RP1: variants seen among roughly 807,000 people sequenced by gnomAD.
The protein encoded by RP1 is oxygen-regulated protein 1.
Under a neutral mutation model 14.8 loss-of-function variants are expected in RP1, and 16 were observed. The observed-to-expected ratio is 1.08, with a 90% confidence interval of 0.73 to 1.65. The LOEUF (loss-of-function observed/expected upper bound fraction) is 1.65. RP1 is among the 40% of genes most tolerant of loss of function. The pLI, the probability that RP1 is intolerant of heterozygous loss-of-function variation, is 0.00. For synonymous variants in RP1, 876 were observed against 883.6 expected (o/e 0.99, Z 0.15); for missense variants, 2,631 against 2,535.0 (o/e 1.04, Z -0.81).
chr8:54,823,039 C>T (rs2129397424), intron 24 of RP1, among the ~76,000 whole-genome samples: 1 of 152,278 alleles, frequency 6.6e-6, no homozygotes, highest in Non-Finnish European at 1.5e-5. Flanking sequence ...AGTTCAGTAT[C>T]TAAGCCTTAG....
exon 15 of RP1, chr8:54,706,622 T>C: frequency 6.5e-7 from 1 of 1,536,100 alleles, no homozygotes; most frequent in Non-Finnish European, 8.7e-7. Context: ...CACAAATGTA[T>C]CTAAGAATCA....
intron 22 of RP1, among the ~76,000 whole-genome samples, chr8:54,762,353 C>A (rs1433565245): frequency 6.6e-6 from 1 of 152,154 alleles, no homozygotes; most frequent in Non-Finnish European, 1.5e-5. Context: ...CGTGAGGAGA[C>A]TGCTTGTATG....
downstream of RP1, chr8:54,770,111 T>C (rs1422494569): frequency 1.0e-5 from 4 of 400,966 alleles, no homozygotes; most frequent in Non-Finnish European, 1.8e-5. Context: ...CACTTCACTT[T>C]TATTTTTGCA....
At chr8:54,619,858 C>A (rs7463859) in intron 1 of RP1, among the ~76,000 whole-genome samples, 1 of 152,220 alleles carries the variant, frequency 6.6e-6, no homozygotes, top group Non-Finnish European at 1.5e-5. Context: ...ACTTAAGGTT[C>A]TATGTGATAC....
chr8:54,651,509 T>C (rs1806654824), intron 4 of RP1, among the ~76,000 whole-genome samples: 1 of 152,164 alleles, frequency 6.6e-6, no homozygotes, highest in South Asian at 2.1e-4. Context: ...TGTGTTTCTA[T>C]AGATTTGTCC....
chr8:54,807,047 T>G (rs994462232), intron 24 of RP1, among the ~76,000 whole-genome samples: 3 of 152,256 alleles, frequency 2.0e-5, no homozygotes, highest in Admixed American at 6.5e-5. Context: ...ATGTCAAAAT[T>G]AATATCTATT....
chr8:54,606,590 G>A (rs1301884333), intron 1 of RP1, among the ~76,000 whole-genome samples: 3 of 152,152 alleles, frequency 2.0e-5, no homozygotes, highest in Non-Finnish European at 4.4e-5. Flanking sequence ...ATATTGGCCT[G>A]CCTTGCTAGA....
intron 12 of RP1, among the ~76,000 whole-genome samples, chr8:54,697,358 C>T (rs958477230): frequency 3.3e-5 from 5 of 152,088 alleles, no homozygotes; most frequent in Non-Finnish European, 7.4e-5. Flanking sequence ...AGTTCGAGAT[C>T]AGCCTGACCA....
intron 1 of RP1, among the ~76,000 whole-genome samples, chr8:54,584,251 G>A (rs1446311351): frequency 1.3e-5 from 2 of 152,082 alleles, no homozygotes; most frequent in African/African-American, 4.8e-5. Flanking sequence ...TCTTCATTTC[G>A]TTATGTACCC....
At chr8:54,565,833 G>A (rs1804392931) in intron 1 of RP1, among the ~76,000 whole-genome samples, 1 of 152,182 alleles carries the variant, frequency 6.6e-6, no homozygotes, top group Non-Finnish European at 1.5e-5. Context: ...GACAATGACT[G>A]TCTCACAGTC....
intron 7 of RP1, among the ~76,000 whole-genome samples, chr8:54,669,124 C>G (rs1807084060): frequency 6.6e-6 from 1 of 152,004 alleles, no homozygotes; most frequent in African/African-American, 2.4e-5. Context: ...TTGCAATCTA[C>G]CCATCTGACA....
At chr8:54,576,626 T>C (rs182660540) in intron 1 of RP1, among the ~76,000 whole-genome samples, 3 of 152,340 alleles carry the variant, frequency 2.0e-5, no homozygotes, top group Non-Finnish European at 1.5e-5. Flanking sequence ...TTCGGAATCA[T>C]AGTGTAATTA....
At chr8:54,687,951 C>T (rs2129338244) in intron 12 of RP1, among the ~76,000 whole-genome samples, 1 of 152,332 alleles carries the variant, frequency 6.6e-6, no homozygotes, top group South Asian at 2.1e-4. Flanking sequence ...GTTCCTATTT[C>T]TCCACATCCC....
At chr8:54,680,441 C>T (rs556103344) in intron 12 of RP1, among the ~76,000 whole-genome samples, 56 of 152,298 alleles carry the variant, frequency 3.7e-4, no homozygotes, top group Non-Finnish European at 6.9e-4. Flanking sequence ...AGATGTTTGA[C>T]TATAAACCCA....
At chr8:54,603,255 T>C (rs1258665769) in intron 1 of RP1, among the ~76,000 whole-genome samples, 1 of 152,026 alleles carries the variant, frequency 6.6e-6, no homozygotes, top group Admixed American at 6.5e-5. Flanking sequence ...TTTCTACATA[T>C]GGCTAGCCAG....
Position 54,627,596 on chromosome 8 carries a change from T to C in RP1, c.3714T>C (p.Gly1238=), listed in dbSNP as rs1430997732. 6.2e-7 allele frequency: 1 copy of C among 1,614,050 alleles called. No homozygotes were observed. Among genetic ancestry groups the C allele is most frequent in the Non-Finnish European group, 8.5e-7 (1 of 1,179,982 alleles). ...RTQGISSLDG[G]CSASEACAPE... ...AAGGAATCTCCTCTTTGGATGGAGG[T>C]TGCTCTGCCAGTGAGGCATGTGCCC... Residue 1238 remains glycine (G), a synonymous_variant, in exon 4 of 4, where the codon GGT becomes GGC. Coordinates refer to ENST00000220676, the MANE Select transcript of RP1 (RefSeq NM_006269.2).
intron 28 of RP1, among the ~76,000 whole-genome samples, chr8:54,869,148 T>A (rs911224896): frequency 6.6e-6 from 1 of 152,148 alleles, no homozygotes; most frequent in African/African-American, 2.4e-5. Context: ...AGATAGTAAA[T>A]TTTTTGCCTG....
chr8:54,678,384 A>G, intron 8 of RP1: 1 of 1,242,528 alleles, frequency 8.0e-7, no homozygotes, highest in South Asian at 1.4e-5. Context: ...GGAAGTTAGA[A>G]CTTGTTTCTC....
chr8:54,638,176 T>C (rs1456474352), intron 3 of RP1, among the ~76,000 whole-genome samples: 1 of 152,192 alleles, frequency 6.6e-6, no homozygotes, highest in Non-Finnish European at 1.5e-5. Flanking sequence ...GAGTTCTTTT[T>C]TGATTCTTGA....
Sources: gnomAD v4.1 joint callset for allele counts (sites outside exome capture counted in the v4.1 genomes callset) on GRCh38, gnomAD v4.1.1 for gene constraint, MANE v1.5 for transcripts, NCBI Gene and HGNC (gene_info 2026-07-23, HGNC 2026-07-21) for gene names.